SLC35F4: variants seen among roughly 807,000 people sequenced by gnomAD.
The protein encoded by SLC35F4 is solute carrier family 35 member F4.
Under a neutral mutation model 44.2 loss-of-function variants are expected in SLC35F4, and 24 were observed. The ratio of observed to expected loss-of-function variants is 0.54; its 90% CI spans 0.39 to 0.76. The LOEUF is 0.76. Ranked by LOEUF, SLC35F4 falls within the 30% of genes least tolerant of loss-of-function variation. SLC35F4 has a pLI of 0.00. For missense variants in SLC35F4, 562 were observed against 586.1 expected (o/e 0.96, Z 0.42); for synonymous variants, 238 against 223.6 (o/e 1.06, Z -0.57).
chr14:57,758,801 T>C (rs1213286275), intron 1 of SLC35F4, among the ~76,000 whole-genome samples: 1 of 152,180 alleles, frequency 6.6e-6, no homozygotes, highest in African/African-American at 2.4e-5. Context: ...AAATTCTATA[T>C]AATAAATTGC....
intron 1 of SLC35F4, among the ~76,000 whole-genome samples, chr14:57,933,151 A>C (rs1474615939): frequency 6.6e-6 from 1 of 150,720 alleles, no homozygotes; most frequent in African/African-American, 2.4e-5. Context: ...CCTCCCTAGT[A>C]GCTGGAATTA....
rs535821001 is a variant in SLC35F4, at chr14:57,878,827, A to T, written n.282+103086T>A. On this transcript the variant is annotated intron_variant and non_coding_transcript_variant, in intron 1 of 1. Coordinates refer to the SLC35F4 transcript ENST00000556568. ...TAGATATTTCCAAAATTAGTTGATT[A>T]ATTCATTAATACTGGTTATCAAAGA... Among the ~76,000 whole-genome samples the T allele has an allele frequency of 3.3e-5, 5 of 152,294 alleles. No individual in the cohort carries two copies. In the South Asian group the frequency reaches 1.0e-3, roughly 32 times the overall value.
intron 1 of SLC35F4, among the ~76,000 whole-genome samples, chr14:57,872,144 T>G (rs1266325320): frequency 6.6e-6 from 1 of 152,224 alleles, no homozygotes; most frequent in Non-Finnish European, 1.5e-5. Flanking sequence ...TACATCCACA[T>G]CTTGAATGAG....
chr14:57,760,961 C>T (rs147419783), intron 1 of SLC35F4, among the ~76,000 whole-genome samples: 30 of 152,186 alleles, frequency 2.0e-4, no homozygotes, highest in African/African-American at 5.8e-4. Flanking sequence ...CTCTCCTCTC[C>T]GGCACTCTAC....
At chr14:57,805,072 T>C (rs1881142784) in intron 1 of SLC35F4, among the ~76,000 whole-genome samples, 1 of 152,150 alleles carries the variant, frequency 6.6e-6, no homozygotes, top group East Asian at 1.9e-4. Flanking sequence ...TACAATGAGA[T>C]ACCATCTCAC....
chr14:57,958,859 C>T (rs1890291242), intron 1 of SLC35F4, among the ~76,000 whole-genome samples: 2 of 152,150 alleles, frequency 1.3e-5, no homozygotes, highest in African/African-American at 2.4e-5. Flanking sequence ...GCAGGTCCTG[C>T]CTAGAAGGTC....
At chr14:57,940,956 C>T (rs1889906579) in intron 1 of SLC35F4, among the ~76,000 whole-genome samples, 3 of 152,174 alleles carry the variant, frequency 2.0e-5, no homozygotes, top group Admixed American at 2.0e-4. Flanking sequence ...TGAAAAGATG[C>T]TCAACATCAT....
chr14:57,706,818 G>GATAACGCAGGACTTTGCAA (rs1223378468), intron 1 of SLC35F4, among the ~76,000 whole-genome samples: 1 of 152,154 alleles, frequency 6.6e-6, no homozygotes, highest in Non-Finnish European at 1.5e-5. Context: ...AAGTGGGCCA[G>GATAACGCAGGACTTTGCAA]ATAACGCAGG....
intron 1 of SLC35F4, among the ~76,000 whole-genome samples, chr14:57,743,560 C>T (rs749234905): frequency 8.5e-5 from 13 of 152,070 alleles, no homozygotes; most frequent in African/African-American, 1.2e-4. Context: ...TAATAACAGG[C>T]GCTGAAATTG....
In SLC35F4 at chr14:57,660,447, C is replaced by T. The variant is rs117509282; in HGVS notation, c.104-66323G>A. ...TCCTCAAATAATCCATCAGCAGCTACGTGGTATACTGTGATCACTAGCCAC... is the reference window on the plus strand; with the variant it reads ...TCCTCAAATAATCCATCAGCAGCTATGTGGTATACTGTGATCACTAGCCAC... On this transcript the variant is annotated intron_variant, in intron 1 of 7. Coordinates refer to ENST00000556826, the MANE Select transcript of SLC35F4 (RefSeq NM_001306087.2). Among the ~76,000 whole-genome samples the T allele has an allele frequency of 3.4e-4, 51 of 151,264 alleles. No homozygotes were observed. In the East Asian group the frequency reaches 8.5e-3, roughly 25 times the overall value.
chr14:57,756,858 C>T (rs1229493778), intron 1 of SLC35F4, among the ~76,000 whole-genome samples: 6 of 151,570 alleles, frequency 4.0e-5, no homozygotes, highest in African/African-American at 1.5e-4. Context: ...GACAGGTTTT[C>T]ACCATGTTGC....
chr14:57,857,826 T>G (rs928216951), intron 1 of SLC35F4, among the ~76,000 whole-genome samples: 5 of 152,032 alleles, frequency 3.3e-5, no homozygotes, highest in African/African-American at 9.7e-5. Flanking sequence ...AGGAGCTTTC[T>G]GCAGGGTGAT....
intron 1 of SLC35F4, among the ~76,000 whole-genome samples, chr14:57,692,927 G>A (rs1383961962): frequency 1.3e-5 from 2 of 152,096 alleles, no homozygotes; most frequent in East Asian, 3.8e-4. Context: ...TTAGATCAGT[G>A]CTTCCAGAAG....
chr14:57,784,559 C>T (rs1395358794), intron 1 of SLC35F4, among the ~76,000 whole-genome samples: 1 of 152,118 alleles, frequency 6.6e-6, no homozygotes, highest in Admixed American at 6.6e-5. Flanking sequence ...TGCCTGTAGT[C>T]CCAGCTACTT....
At chr14:57,583,604 G>A (rs961552438) in intron 3 of SLC35F4, among the ~76,000 whole-genome samples, 1 of 152,198 alleles carries the variant, frequency 6.6e-6, no homozygotes, top group Non-Finnish European at 1.5e-5. Flanking sequence ...CAGCTGGGAA[G>A]ACGCTGCTGA....
In SLC35F4 at chr14:57,587,423, C is replaced by G. The variant is rs1566650421; in HGVS notation, c.587+1793G>C. 3.3e-5 allele frequency among the ~76,000 whole-genome samples: 5 copies of G among 152,204 alleles called. No homozygotes were observed. In the South Asian group the frequency reaches 1.0e-3, roughly 32 times the overall value. On this transcript the variant is annotated intron_variant, in intron 3 of 7. Transcript: ENST00000556826. ...ATGAAGAAAATGTGGCACATATACACTATGGAATACTATGCAGCCATAAAA... is the reference window on the plus strand; with the variant it reads ...ATGAAGAAAATGTGGCACATATACAGTATGGAATACTATGCAGCCATAAAA...
At chr14:57,694,744 T>C (rs1566770743) in intron 1 of SLC35F4, among the ~76,000 whole-genome samples, 1 of 152,194 alleles carries the variant, frequency 6.6e-6, no homozygotes, top group Admixed American at 6.5e-5. Context: ...GTTTTCTGTA[T>C]AGAGGTCTTA....
intron 1 of SLC35F4, among the ~76,000 whole-genome samples, chr14:57,916,208 C>T (rs7147074): frequency 0.14 from 21,131 of 152,106 alleles, 1,630 homozygotes; most frequent in Middle Eastern, 0.21. Flanking sequence ...ATTTTTATAA[C>T]AAACCCAGTT....
chr14:57,750,529 G>A (rs552900191), intron 1 of SLC35F4, among the ~76,000 whole-genome samples: 6 of 152,214 alleles, frequency 3.9e-5, no homozygotes, highest in African/African-American at 1.4e-4. Flanking sequence ...TATCCACATT[G>A]TTGCCAACAT....
Sources: allele counts gnomAD v4.1 joint callset (sites outside exome capture counted in the v4.1 genomes callset), GRCh38; gene constraint gnomAD v4.1.1; transcripts MANE v1.5; gene names NCBI Gene and HGNC (gene_info 2026-07-23, HGNC 2026-07-21).